The following PARD3 variants were observed in gnomAD, a reference collection of about 807,000 sequenced individuals.
PARD3 encodes the protein par-3 family cell polarity regulator.
PARD3 carries 75 observed loss-of-function variants against 155.4 expected under a neutral mutation model. The ratio of observed to expected loss-of-function variants is 0.48; its 90% CI spans 0.40 to 0.58. The LOEUF is 0.58. PARD3 is among the 20% of genes least tolerant of loss of function. The probability of loss-of-function intolerance (pLI) is 0.00; values close to 1 mark genes in which losing one functional copy is unlikely to be tolerated. For synonymous variants in PARD3, 576 were observed against 610.5 expected (o/e 0.94, Z 0.83); for missense variants, 1,642 against 1,721.7 (o/e 0.95, Z 0.82).
At chr10:34,592,958 C>T (rs2088860916) in intron 2 of PARD3, among the ~76,000 whole-genome samples, 1 of 152,160 alleles carries the variant, frequency 6.6e-6, no homozygotes, top group South Asian at 2.1e-4. Context: ...TACTGCATGC[C>T]TACCTGGGCC....
At chr10:34,404,484 T>C (rs1175635944) in intron 5 of PARD3, among the ~76,000 whole-genome samples, 2 of 152,090 alleles carry the variant, frequency 1.3e-5, no homozygotes, top group Non-Finnish European at 2.9e-5. Flanking sequence ...GTGGGCAACA[T>C]GGTGAGATCC....
intron 1 of PARD3, among the ~76,000 whole-genome samples, chr10:34,804,952 G>A (rs1843182449): frequency 6.6e-6 from 1 of 152,162 alleles, no homozygotes; most frequent in Non-Finnish European, 1.5e-5. Context: ...CTTAAGTGTT[G>A]AAGAAGGAAA....
chr10:34,778,925 T>C (rs1452089099), intron 1 of PARD3, among the ~76,000 whole-genome samples: 1 of 152,246 alleles, frequency 6.6e-6, no homozygotes, highest in Non-Finnish European at 1.5e-5. Context: ...AGCTGTCAGA[T>C]TCTGACTTAG....
chr10:34,621,567 A>C (rs897254856), intron 2 of PARD3, among the ~76,000 whole-genome samples: 16 of 152,092 alleles, frequency 1.1e-4, no homozygotes, highest in African/African-American at 3.9e-4. Context: ...ACGCCTGGAA[A>C]CCCCTAAGAC....
intron 22 of PARD3, among the ~76,000 whole-genome samples, chr10:34,231,966 G>T (rs1250668437): frequency 6.6e-6 from 1 of 152,058 alleles, no homozygotes; most frequent in Non-Finnish European, 1.5e-5. Context: ...TAGCAGCAAA[G>T]CAAACTAAGA....
intron 3 of PARD3, among the ~76,000 whole-genome samples, chr10:34,513,737 T>C (rs1050302593): frequency 5.9e-5 from 9 of 152,224 alleles, no homozygotes; most frequent in Non-Finnish European, 1.3e-4. Flanking sequence ...ATTTTGACTA[T>C]ACAAACAATG....
chr10:34,151,700 T>C (rs1370356383), intron 22 of PARD3, among the ~76,000 whole-genome samples: 1 of 152,222 alleles, frequency 6.6e-6, no homozygotes, highest in Non-Finnish European at 1.5e-5. Context: ...CACCACAATG[T>C]GTTCTTAGAA....
chr10:34,519,477 A>G (rs550342005), intron 2 of PARD3, among the ~76,000 whole-genome samples: 1 of 152,318 alleles, frequency 6.6e-6, no homozygotes, highest in South Asian at 2.1e-4. Context: ...ATGTCTTCTT[A>G]TAACTAATAC....
At chr10:34,614,525 T>A (rs971016522) in intron 2 of PARD3, among the ~76,000 whole-genome samples, 8 of 152,228 alleles carry the variant, frequency 5.3e-5, no homozygotes, top group African/African-American at 1.9e-4. Context: ...TTTCTTTCTT[T>A]AAATCATGCA....
intron 15 of PARD3, chr10:34,345,958 C>T: frequency 1.0e-6 from 1 of 982,416 alleles, no homozygotes; most frequent in Non-Finnish European, 1.2e-6. Flanking sequence ...ATTTAGAATC[C>T]CTAGTTTCCG....
intron 14 of PARD3, among the ~76,000 whole-genome samples, chr10:34,350,635 G>GC (rs1357680715): frequency 3.0e-5 from 4 of 135,444 alleles, no homozygotes; most frequent in African/African-American, 5.3e-5. Flanking sequence ...CATCTTGGCG[G>GC]GGGGGGAGGG....
rs549168370 is a variant in PARD3 at position 34,477,739 on chromosome 10, C to T, written c.404-7476G>A. The stretch of plus-strand genomic sequence containing the variant: ...TAACCACTTAAGGCAATGAATAAAA[C>T]TCTGCCAAGAAGACAGGCATAAATC... On this transcript the variant is annotated intron_variant, in intron 3 of 24. Transcript: ENST00000374788. Among the ~76,000 whole-genome samples, 102 of 152,214 alleles carry T rather than the reference C, an allele frequency of 6.7e-4. 1 individual carries two copies. The South Asian group carries it at 7.5e-3, about 11-fold the overall frequency.
At chr10:34,400,331 C>T (rs1288811814) in intron 6 of PARD3, among the ~76,000 whole-genome samples, 1 of 152,020 alleles carries the variant, frequency 6.6e-6, no homozygotes, top group East Asian at 1.9e-4. Context: ...AGGAACATAA[C>T]GTTACATAAT....
chr10:34,563,388 GAC>G (rs2085659875), intron 2 of PARD3, among the ~76,000 whole-genome samples: 1 of 152,100 alleles, frequency 6.6e-6, no homozygotes, highest in South Asian at 2.1e-4. Flanking sequence ...TTTGTTTTAA[GAC>G]AGAGTCTCGC....
chr10:34,778,510 A>G (rs1423624940), intron 1 of PARD3, among the ~76,000 whole-genome samples: 1 of 152,212 alleles, frequency 6.6e-6, no homozygotes, highest in African/African-American at 2.4e-5. Flanking sequence ...AGCAACAATC[A>G]GGCCAACAGA....
chr10:34,369,658 G>A (rs1840384109), intron 12 of PARD3, among the ~76,000 whole-genome samples: 1 of 152,030 alleles, frequency 6.6e-6, no homozygotes, highest in African/African-American at 2.4e-5. Context: ...ATCTCCTGCA[G>A]GAAAAGAAAA....
At chr10:34,119,881 T>C in intron 23 of PARD3, 141 bp from the exon 24 acceptor site, 1 of 758,570 alleles carries the variant, frequency 1.3e-6, no homozygotes, top group South Asian at 2.9e-5. Flanking sequence ...ATCGTTTCTT[T>C]GAGAAAAGTG....
chr10:34,775,017 T>C (rs1004029242), intron 1 of PARD3, among the ~76,000 whole-genome samples: 3 of 152,162 alleles, frequency 2.0e-5, no homozygotes, highest in African/African-American at 7.2e-5. Flanking sequence ...GTCACCGCTG[T>C]GAAAACAAGT....
chr10:34,127,854 T>C (rs1258463378), intron 23 of PARD3, among the ~76,000 whole-genome samples: 1 of 152,142 alleles, frequency 6.6e-6, no homozygotes, highest in African/African-American at 2.4e-5. Context: ...TTATCACACA[T>C]CACAAAAGAA....
Sources: allele counts gnomAD v4.1 joint callset (sites outside exome capture counted in the v4.1 genomes callset), GRCh38; gene constraint gnomAD v4.1.1; transcripts MANE v1.5; gene names NCBI Gene and HGNC (gene_info 2026-07-23, HGNC 2026-07-21).